KCNIP4: variants seen among roughly 807,000 people sequenced by gnomAD.
KCNIP4 encodes the protein potassium voltage-gated channel interacting protein 4.
A neutral mutation model predicts 34.0 loss-of-function variants in KCNIP4; 12 were observed. The observed-to-expected ratio is 0.35, with a 90% CI of 0.23 to 0.57. KCNIP4 has a LOEUF of 0.57. Ranked by LOEUF, KCNIP4 falls within the 20% of genes least tolerant of loss-of-function variation. The pLI, the probability that KCNIP4 is intolerant of heterozygous loss-of-function variation, is 0.83. For synonymous variants in KCNIP4, 124 were observed against 102.2 expected (o/e 1.21, Z -1.29); for missense variants, 238 against 311.7 (o/e 0.76, Z 1.78).
intron 1 of KCNIP4, among the ~76,000 whole-genome samples, chr4:21,827,138 T>C (rs547348472): frequency 6.6e-6 from 1 of 152,178 alleles, no homozygotes; most frequent in East Asian, 1.9e-4. Context: ...ATAATGTGAA[T>C]AAGCAATAAA....
intron 1 of KCNIP4, among the ~76,000 whole-genome samples, chr4:21,609,795 A>C (rs749922586): frequency 6.6e-6 from 1 of 152,208 alleles, no homozygotes; most frequent in Non-Finnish European, 1.5e-5. Context: ...CGAGCACCCT[A>C]CTATGTGCTA....
intron 1 of KCNIP4, among the ~76,000 whole-genome samples, chr4:21,270,232 A>G (rs970771595): frequency 1.3e-5 from 2 of 152,166 alleles, no homozygotes; most frequent in Non-Finnish European, 1.5e-5. Context: ...TTACACGGAA[A>G]TCCAGAATGC....
chr4:21,059,186 A>G (rs886084733), intron 1 of KCNIP4, among the ~76,000 whole-genome samples: 1 of 152,150 alleles, frequency 6.6e-6, no homozygotes, highest in Admixed American at 6.6e-5. Context: ...GTTACACAAG[A>G]TAACTCTGAC....
At chr4:21,386,172 T>C (rs1331693580) in intron 1 of KCNIP4, among the ~76,000 whole-genome samples, 2 of 152,224 alleles carry the variant, frequency 1.3e-5, no homozygotes, top group Non-Finnish European at 1.5e-5. Flanking sequence ...CATTATGTTC[T>C]TGTATCCTTG....
chr4:21,799,462 A>G (rs979450501), intron 1 of KCNIP4, among the ~76,000 whole-genome samples: 1 of 152,134 alleles, frequency 6.6e-6, no homozygotes, highest in African/African-American at 2.4e-5. Context: ...TGACATTAAT[A>G]TTGGTCAAAA....
At chr4:21,290,884 C>T (rs1763409685) in intron 1 of KCNIP4, among the ~76,000 whole-genome samples, 1 of 152,134 alleles carries the variant, frequency 6.6e-6, no homozygotes, top group African/African-American at 2.4e-5. Context: ...TATGAGGAGC[C>T]AGAACTAGTC....
rs78250323 is a variant in KCNIP4 at position 21,305,934 on chromosome 4, A to G, written c.62-423225T>C. On this transcript the variant is annotated intron_variant, in intron 1 of 8. Coordinates refer to ENST00000382152, the MANE Select transcript of KCNIP4 (RefSeq NM_025221.6). Reference sequence around the variant, plus strand: ...TATTATATGATAGCCATATGGGTATACATTCTCTCCATTAAAGGGTAGGCT... The same window carrying G: ...TATTATATGATAGCCATATGGGTATGCATTCTCTCCATTAAAGGGTAGGCT... Among the ~76,000 whole-genome samples, 1,300 of 152,306 alleles carry G rather than the reference A, an allele frequency of 8.5e-3. 24 individuals are homozygous for G. Among genetic ancestry groups the G allele is most frequent in the African/African-American group, 0.03 (1,246 of 41,552 alleles).
At chr4:21,414,998 A>C (rs1724823305) in intron 1 of KCNIP4, among the ~76,000 whole-genome samples, 1 of 152,056 alleles carries the variant, frequency 6.6e-6, no homozygotes, top group Non-Finnish European at 1.5e-5. Context: ...AGGTAAAACA[A>C]ATTATCGCTG....
intron 1 of KCNIP4, among the ~76,000 whole-genome samples, chr4:20,982,063 G>A (rs1478672491): frequency 6.6e-6 from 1 of 152,166 alleles, no homozygotes; most frequent in Non-Finnish European, 1.5e-5. Context: ...ATATGAAACA[G>A]ACATTGAAGA....
chr4:21,910,868 A>G (rs1038807575), intron 1 of KCNIP4, among the ~76,000 whole-genome samples: 4 of 152,172 alleles, frequency 2.6e-5, no homozygotes, highest in Admixed American at 1.3e-4. Context: ...AGTGATTAGT[A>G]TTTTTAAGGG....
At chr4:21,582,082 G>GGAATGGAATGGAATGGAATA (rs1553906760) in intron 1 of KCNIP4, 1 of 149,920 alleles carries the variant, frequency 6.7e-6, no homozygotes, top group African/African-American at 2.5e-5. Flanking sequence ...GGAATGGAAT[G>GGAATGGAATGGAATGGAATA]GAATGGGATG....
intron 1 of KCNIP4, among the ~76,000 whole-genome samples, chr4:21,736,288 C>T (rs185782717): frequency 6.6e-6 from 1 of 152,274 alleles, no homozygotes; most frequent in African/African-American, 2.4e-5. Flanking sequence ...TAATTTCTCA[C>T]TAGAACCACT....
At chr4:21,567,839 A>G (rs1740033642) in intron 1 of KCNIP4, among the ~76,000 whole-genome samples, 3 of 152,110 alleles carry the variant, frequency 2.0e-5, no homozygotes, top group African/African-American at 7.2e-5. Context: ...AGCGTGAGTG[A>G]TAACTCATAC....
intron 1 of KCNIP4, among the ~76,000 whole-genome samples, chr4:20,915,716 A>G (rs889293155): frequency 6.6e-6 from 1 of 152,118 alleles, no homozygotes; most frequent in Admixed American, 6.6e-5. Flanking sequence ...ATAATAAATA[A>G]AGCAATAGTA....
At chr4:21,321,773 G>T (rs894914485) in intron 1 of KCNIP4, among the ~76,000 whole-genome samples, 64 of 148,640 alleles carry the variant, frequency 4.3e-4, no homozygotes, top group African/African-American at 1.5e-3. Context: ...AAAGAAGGGA[G>T]GGAGGGAGAG....
At position 21,363,569 on chromosome 4, in the gene KCNIP4, G is replaced by C. The variant is rs150175137; in HGVS notation, c.62-480860C>G. On this transcript the variant is annotated intron_variant, in intron 1 of 8. Transcript: ENST00000382152. ...TGCTTACAAACTACATAGCTCTTTG[G>C]GAAGTAGGCAAATTGAATTTTTCAA... Among the ~76,000 whole-genome samples, 655 of 152,120 alleles carry C rather than the reference G, an allele frequency of 4.3e-3. 10 individuals carry two copies. Among genetic ancestry groups the C allele is most frequent in the African/African-American group, 0.015 (616 of 41,520 alleles).
At chr4:21,068,717 A>G (rs1744630834) in intron 1 of KCNIP4, among the ~76,000 whole-genome samples, 1 of 152,200 alleles carries the variant, frequency 6.6e-6, no homozygotes, top group African/African-American at 2.4e-5. Context: ...AACTTTTATC[A>G]TGTCACCCTA....
At chr4:21,577,427 C>T (rs1051254840) in intron 1 of KCNIP4, among the ~76,000 whole-genome samples, 1 of 151,924 alleles carries the variant, frequency 6.6e-6, no homozygotes, top group African/African-American at 2.4e-5. Context: ...GTCAGGTGTT[C>T]GAGACCAGCC....
intron 1 of KCNIP4, among the ~76,000 whole-genome samples, chr4:20,944,350 G>T (rs558010008): frequency 3.4e-4 from 52 of 152,282 alleles, no homozygotes; most frequent in South Asian, 2.1e-3. Context: ...GACTGGAGTT[G>T]CATTTCCATA....
Sources: allele counts gnomAD v4.1 joint callset (sites outside exome capture counted in the v4.1 genomes callset), GRCh38; gene constraint gnomAD v4.1.1; transcripts MANE v1.5; gene names NCBI Gene and HGNC (gene_info 2026-07-23, HGNC 2026-07-21).